The following RANBP2 variants were observed in gnomAD, a reference collection of about 807,000 sequenced individuals.
RANBP2 encodes E3 SUMO-protein ligase RanBP2.
In RANBP2, 57 loss-of-function variants were observed where a neutral mutation model predicts 303.6. The ratio of observed to expected loss-of-function variants is 0.19; its 90% CI spans 0.15 to 0.23. The LOEUF (loss-of-function observed/expected upper bound fraction) is 0.23, where lower values mean the gene tolerates loss of function less well. Ranked by LOEUF, RANBP2 falls within the 10% of genes least tolerant of loss-of-function variation. The pLI, the probability that RANBP2 is intolerant of heterozygous loss-of-function variation, is 1.00. For synonymous variants in RANBP2, 1,167 were observed against 1,301.5 expected, an observed-to-expected ratio of 0.90 and a Z score of 2.23; for missense variants, 3,138 against 3,780.8, an observed-to-expected ratio of 0.83 and a Z score of 4.46.
the RANBP2 span, among the ~76,000 whole-genome samples, chr2:109,540,232 G>A: frequency 1.3e-3 from 201 of 152,230 alleles, no homozygotes; most frequent in African/African-American, 4.7e-3. Context: ...ATGTGCTCGA[G>A]GCATTCCCCG....
the RANBP2 span, among the ~76,000 whole-genome samples, chr2:109,011,729 G>C: frequency 6.6e-6 from 1 of 151,980 alleles, no homozygotes; most frequent in Non-Finnish European, 1.5e-5. Context: ...CTACTTTCTG[G>C]GAAACTTCCT....
the RANBP2 span, among the ~76,000 whole-genome samples, chr2:109,214,115 G>A: frequency 6.6e-6 from 1 of 152,302 alleles, no homozygotes; most frequent in Middle Eastern, 3.4e-3. Context: ...AATTGTCTTG[G>A]GTGTGCCGGG....
At chr2:108,815,487 G>A in the RANBP2 span, among the ~76,000 whole-genome samples, 2 of 62,722 alleles carry the variant, frequency 3.2e-5, no homozygotes, top group East Asian at 1.5e-3. Context: ...TTTTTTTTGA[G>A]ATGGAGTCTT....
At chr2:109,398,702 C>T in the RANBP2 span, 2 of 1,612,244 alleles carry the variant, frequency 1.2e-6, no homozygotes, top group East Asian at 2.2e-5. Context: ...AGCGTGGCCC[C>T]AAGTCCCACT....
chr2:109,115,770 G>A, the RANBP2 span, among the ~76,000 whole-genome samples: 151 of 152,114 alleles, frequency 9.9e-4, no homozygotes, highest in African/African-American at 2.7e-3. Flanking sequence ...GGCTGGTACC[G>A]GTTGTTCCTT....
chr2:109,501,448 A>T, the RANBP2 span: 1 of 731,016 alleles, frequency 1.4e-6, no homozygotes, highest in Admixed American at 1.9e-5. Context: ...AGAAAGCACG[A>T]CCCAGCAGAT....
chr2:109,574,817 G>A, the RANBP2 span: 1 of 1,347,724 alleles, frequency 7.4e-7, no homozygotes, highest in Non-Finnish European at 1.0e-6. Flanking sequence ...GCTACCTTAA[G>A]ATATCTGTGC....
the RANBP2 span, among the ~76,000 whole-genome samples, chr2:109,152,440 G>C: frequency 1.3e-5 from 2 of 152,220 alleles, no homozygotes; most frequent in African/African-American, 2.4e-5. Flanking sequence ...AGTTGAGAAC[G>C]AGAGCATAAT....
chr2:109,479,146 G>A, the RANBP2 span, among the ~76,000 whole-genome samples: 8 of 152,146 alleles, frequency 5.3e-5, no homozygotes, highest in South Asian at 4.1e-4. Flanking sequence ...ACAATGTGGC[G>A]ACTGGGTTCC....
chr2:109,337,452 C>T, the RANBP2 span, among the ~76,000 whole-genome samples: 12 of 152,182 alleles, frequency 7.9e-5, no homozygotes, highest in South Asian at 8.3e-4. Flanking sequence ...TCGCATATGG[C>T]GAAATGTTTT....
At chr2:108,843,880 T>TGTGTGTGTG in the RANBP2 span, among the ~76,000 whole-genome samples, 6 of 94,132 alleles carry the variant, frequency 6.4e-5, no homozygotes, top group African/African-American at 2.7e-4. Flanking sequence ...GTGTGTGTGT[T>TGTGTGTGTG]TCTTTCTTTT....
At chr2:109,564,824 T>C in the RANBP2 span, among the ~76,000 whole-genome samples, 1 of 152,224 alleles carries the variant, frequency 6.6e-6, no homozygotes, top group Non-Finnish European at 1.5e-5. Flanking sequence ...GTTAACCAAG[T>C]GTTCTAGTTA....
the RANBP2 span, among the ~76,000 whole-genome samples, chr2:108,954,886 G>A: frequency 5.3e-5 from 8 of 152,114 alleles, no homozygotes; most frequent in East Asian, 9.7e-4. Context: ...ATTTCACCAC[G>A]TTGGCCAGGC....
At chr2:109,422,866 A>G in the RANBP2 span, among the ~76,000 whole-genome samples, 5 of 152,104 alleles carry the variant, frequency 3.3e-5, no homozygotes, top group African/African-American at 9.7e-5. Flanking sequence ...GCATAGGGCT[A>G]CCCTGCAGGA....
the RANBP2 span, among the ~76,000 whole-genome samples, chr2:108,986,726 A>G: frequency 7.1e-3 from 1,089 of 152,354 alleles, 9 homozygotes; most frequent in South Asian, 0.028. Flanking sequence ...AAATGATTAG[A>G]CATCAGCTTA....
At chr2:108,723,981 T>C (rs776780314) in intron 1 of RANBP2, among the ~76,000 whole-genome samples, 24 of 152,224 alleles carry the variant, frequency 1.6e-4, no homozygotes, top group Non-Finnish European at 2.4e-4. Context: ...TTTTTCTTCC[T>C]CTTTGCTACA....
chr2:109,402,064 C>A, the RANBP2 span, among the ~76,000 whole-genome samples: 1 of 152,268 alleles, frequency 6.6e-6, no homozygotes, highest in African/African-American at 2.4e-5. Context: ...ATCGAGCTGC[C>A]GGGAGACAGA....
chr2:108,965,049 C>T, the RANBP2 span, among the ~76,000 whole-genome samples: 1 of 152,142 alleles, frequency 6.6e-6, no homozygotes, highest in Non-Finnish European at 1.5e-5. Context: ...TAATATTCCT[C>T]CAAACATTTT....
the RANBP2 span, among the ~76,000 whole-genome samples, chr2:109,030,209 C>A: frequency 2.0e-5 from 3 of 152,298 alleles, no homozygotes; most frequent in African/African-American, 7.2e-5. Flanking sequence ...TTCCTCAATC[C>A]TCCCCTGCAC....
Sources: allele counts gnomAD v4.1 joint callset (sites outside exome capture counted in the v4.1 genomes callset), GRCh38; gene constraint gnomAD v4.1.1; transcripts MANE v1.5; gene names NCBI Gene and HGNC (gene_info 2026-07-23, HGNC 2026-07-21).